Variants in DOCK5 observed in about 807,000 individuals in gnomAD.
DOCK5 encodes the protein dedicator of cytokinesis 5.
Under a neutral mutation model 251.8 loss-of-function variants are expected in DOCK5, and 142 were observed. The observed-to-expected ratio is 0.56, with a 90% confidence interval of 0.49 to 0.65. The LOEUF is 0.65. DOCK5 is among the 30% of genes least tolerant of loss of function. The pLI, the probability that DOCK5 is intolerant of heterozygous loss-of-function variation, is 0.00. For missense variants in DOCK5, 2,111 were observed against 2,312.3 expected (o/e 0.91, Z 1.79); for synonymous variants, 842 against 835.5 (o/e 1.01, Z -0.13).
Position 25,318,856 on chromosome 8 carries a change from T to C in DOCK5, c.1444-722T>C, listed in dbSNP as rs371443333. 5.3e-5 allele frequency among the ~76,000 whole-genome samples: 8 copies of C among 152,192 alleles called. No individual in the cohort carries two copies. The South Asian group carries it at 8.3e-4, about 16-fold the overall frequency. ...ATAGTTGTTTGAGGCTACAATGAAA[T>C]ACAATTTCATCACTTGCCATGGATG... On this transcript the variant is annotated intron_variant, in intron 14 of 51. Transcript: ENST00000276440.
At chr8:25,384,466 T>TATTTATTTATTTATTTATTTA (rs111515435) in intron 40 of DOCK5, among the ~76,000 whole-genome samples, 12 of 129,990 alleles carry the variant, frequency 9.2e-5, no homozygotes, top group African/African-American at 1.2e-4. Context: ...TTTATTTATT[T>TATTTATTTATTTATTTATTTA]TTTTTTTTTT....
At chr8:25,189,042 C>CTTTTTTTTTTTTT (rs1432735816) in intron 1 of DOCK5, among the ~76,000 whole-genome samples, 11 of 97,640 alleles carry the variant, frequency 1.1e-4, no homozygotes, top group African/African-American at 2.7e-4. Flanking sequence ...TTCTTTCTTT[C>CTTTTTTTTTTTTT]TTTCTTTTTT....
At chr8:25,219,706 GT>G (rs35000316) in intron 1 of DOCK5, among the ~76,000 whole-genome samples, 74 of 145,006 alleles carry the variant, frequency 5.1e-4, no homozygotes, top group Admixed American at 7.5e-4. Flanking sequence ...TGGGGTCCGT[GT>G]TTTTTTTTTT....
chr8:25,243,650 C>T (rs1205353603), intron 1 of DOCK5, 24 bp from the exon 2 acceptor site: 1 of 1,607,750 alleles, frequency 6.2e-7, no homozygotes, highest in Non-Finnish European at 8.5e-7. Context: ...ATTCTAATTT[C>T]CCTTTTTTAT....
intron 2 of DOCK5, among the ~76,000 whole-genome samples, chr8:25,261,745 C>T (rs73558485): frequency 0.016 from 2,403 of 152,206 alleles, 71 homozygotes; most frequent in African/African-American, 0.054. Context: ...CAGAAAATTC[C>T]GCGGTATCTT....
intron 17 of DOCK5, 95 bp from the exon 18 acceptor site, chr8:25,325,269 G>T (rs1468239391): frequency 2.3e-6 from 3 of 1,330,324 alleles, no homozygotes; most frequent in Non-Finnish European, 3.1e-6. Context: ...ATAAGTCCAC[G>T]CTTCTCATGC....
intron 26 of DOCK5, among the ~76,000 whole-genome samples, chr8:25,351,070 T>G (rs1800458354): frequency 6.6e-6 from 1 of 152,128 alleles, no homozygotes; most frequent in Non-Finnish European, 1.5e-5. Context: ...TTATTTTTAT[T>G]TTTTTGAGAT....
chr8:25,332,943 T>G (rs1805715490), intron 20 of DOCK5, among the ~76,000 whole-genome samples: 2 of 152,230 alleles, frequency 1.3e-5, no homozygotes, highest in South Asian at 4.1e-4. Context: ...TAAGATGTTT[T>G]ATTTTTATTA....
At chr8:25,295,388 A>C (rs1021624670) in intron 6 of DOCK5, among the ~76,000 whole-genome samples, 5 of 151,922 alleles carry the variant, frequency 3.3e-5, no homozygotes, top group African/African-American at 1.2e-4. Context: ...TGTCTCTAAA[A>C]AAAATAAAAA....
At chr8:25,352,277 A>C (rs117636407) in intron 27 of DOCK5, among the ~76,000 whole-genome samples, 14 of 141,616 alleles carry the variant, frequency 9.9e-5, no homozygotes, top group African/African-American at 3.4e-4. Context: ...GGGAGGGAGG[A>C]AGGAAGGAAG....
chr8:25,262,812 T>G (rs1049126821), intron 2 of DOCK5, among the ~76,000 whole-genome samples: 2 of 151,780 alleles, frequency 1.3e-5, no homozygotes, highest in East Asian at 3.9e-4. Context: ...GAAAAGCAAA[T>G]ATAGATACAA....
Position 25,414,279 on chromosome 8 carries a change from C to T in DOCK5, c.*2981C>T, listed in dbSNP as rs985002405. 18 of 152,076 alleles carry T rather than the reference C, an allele frequency of 1.2e-4. No individual in the cohort carries two copies. Among genetic ancestry groups the T allele is most frequent in the African/African-American group, 3.9e-4 (16 of 41,396 alleles). 9.4% of individuals were successfully genotyped at this position (152,076 alleles called of 1,614,324 possible). A position where few individuals can be genotyped will look rare whatever the true frequency, so the allele number is the denominator to read the frequency against. The stretch of plus-strand genomic sequence containing the variant: ...GTTCAATGGAAACAGCCCCAGTATA[C>T]AAAGACAGTTCACTCTGGTGTGCTG... On this transcript the variant is annotated 3_prime_UTR_variant, in exon 52 of 52. Coordinates refer to ENST00000276440, the MANE Select transcript of DOCK5 (RefSeq NM_024940.8).
chr8:25,378,132 C>T (rs1800996969), intron 38 of DOCK5, among the ~76,000 whole-genome samples: 1 of 152,128 alleles, frequency 6.6e-6, no homozygotes, highest in South Asian at 2.1e-4. Context: ...GAAGATTGGG[C>T]TGATATCGCA....
intron 5 of DOCK5, among the ~76,000 whole-genome samples, chr8:25,281,320 C>T (rs1016662709): frequency 6.6e-6 from 1 of 151,324 alleles, no homozygotes; most frequent in African/African-American, 2.4e-5. Flanking sequence ...CCCAGCTACT[C>T]GGGAGGCTGA....
rs186053105 is a variant in DOCK5, at chr8:25,388,847, G to A, written c.4132-244G>A. The A allele has an allele frequency of 1.2e-4, 59 of 475,340 alleles. No homozygotes were observed. In the East Asian group the frequency reaches 2.1e-3, roughly 17 times the overall value. The allele number at this position is 475,340 out of a possible 1,614,324, so 29.4% of individuals were successfully genotyped here. On this transcript the variant is annotated intron_variant, in intron 40 of 51. Coordinates refer to ENST00000276440, the MANE Select transcript of DOCK5 (RefSeq NM_024940.8). Reference sequence around the variant, plus strand: ...GTTTGCAGACTGGCCATGGTCCTTGGGCCACACTGGAAGAAGAACTGGGCT... The same window carrying A: ...GTTTGCAGACTGGCCATGGTCCTTGAGCCACACTGGAAGAAGAACTGGGCT...
chr8:25,320,900 T>C (rs1805406656), intron 15 of DOCK5, 80 bp from the exon 16 acceptor site: 2 of 1,252,282 alleles, frequency 1.6e-6, no homozygotes, highest in African/African-American at 3.0e-5. Context: ...AAGTATAAAA[T>C]TGAGCCTAAT....
chr8:25,397,846 T>C (rs761523506), intron 45 of DOCK5, among the ~76,000 whole-genome samples: 1 of 152,220 alleles, frequency 6.6e-6, no homozygotes, highest in Non-Finnish European at 1.5e-5. Context: ...CATACATACA[T>C]ACATACGTAC....
chr8:25,362,591 C>A (rs1295765543), intron 28 of DOCK5, among the ~76,000 whole-genome samples: 4 of 151,498 alleles, frequency 2.6e-5, no homozygotes, highest in Non-Finnish European at 4.4e-5. Flanking sequence ...CTCAGCCTCC[C>A]GAGTAGCTGG....
At position 25,300,707 on chromosome 8, in the gene DOCK5, T is replaced by C. The variant is rs192560942; in HGVS notation, c.846+50T>C. On this transcript the variant is annotated intron_variant, in intron 9 of 51. Coordinates refer to ENST00000276440, the MANE Select transcript of DOCK5 (RefSeq NM_024940.8). The stretch of plus-strand genomic sequence containing the variant: ...ATTCTCTTTGTTTGTGATATGAGCA[T>C]ATTCACATAATGAATATGTGGAAAA... 159 of 1,509,730 alleles carry C rather than the reference T, an allele frequency of 1.1e-4. 1 individual carries two copies. In the East Asian group the frequency reaches 3.7e-3, roughly 35 times the overall value. The allele number at this position is 1,509,730 out of a possible 1,614,324, so 93.5% of individuals were successfully genotyped here.
Sources: allele counts gnomAD v4.1 joint callset (sites outside exome capture counted in the v4.1 genomes callset), GRCh38; gene constraint gnomAD v4.1.1; transcripts MANE v1.5; gene names NCBI Gene and HGNC (gene_info 2026-07-23, HGNC 2026-07-21).